PVALEF: variants seen among roughly 807,000 people sequenced by gnomAD.
PVALEF encodes the protein parvalbumin like EF-hand containing.
A neutral mutation model predicts 1.2 loss-of-function variants in PVALEF; 2 were observed. That is an observed-to-expected ratio of 1.68 (90% CI 0.69 to 5.28). PVALEF has a LOEUF of 5.28. PVALEF is among the 30% of genes most tolerant of loss of function. The pLI is 0.06. For missense variants in PVALEF, 35 were observed against 17.7 expected, an observed-to-expected ratio of 1.97 and a Z score of -1.75; for synonymous variants, 16 against 6.5, an observed-to-expected ratio of 2.47 and a Z score of -2.24.
rs552756728 is a variant in PVALEF at position 81,169,385 on chromosome 17, G to A, written c.-340+2541G>A. 3.8e-3 allele frequency among the ~76,000 whole-genome samples: 576 copies of A among 151,776 alleles called. 1 individual carries two copies. Among genetic ancestry groups the A allele is most frequent in the Non-Finnish European group, 3.7e-3 (248 of 67,598 alleles). ...GAGGCCAAGGGGGGCGGACCGCGAG[G>A]TCAGGAGTTCGAGACCAGCCTGGCC... On this transcript the variant is annotated intron_variant, in intron 2 of 6. Coordinates refer to ENST00000637878, the MANE Select transcript of PVALEF (RefSeq NM_001354639.2).
At chr17:81,166,102 G>A (rs1210829802) in intron 1 of PVALEF, 37 of 576,204 alleles carry the variant, frequency 6.4e-5, no homozygotes, top group Non-Finnish European at 7.4e-5. Flanking sequence ...TGCGGAGCGC[G>A]CCGGCCCCCG....
Position 81,179,172 on chromosome 17 carries a change from G to T in PVALEF, c.-105+20G>T, listed in dbSNP as rs369456061. On this transcript the variant is annotated intron_variant, in intron 3 of 6. Coordinates refer to ENST00000637878, the MANE Select transcript of PVALEF (RefSeq NM_001354639.2). Reference sequence around the variant, plus strand: ...GCAGAGGTAAGCCCTGCCAAGGAGGGGGGTGTGGGTCTCTGGCCGCTGAGG... The same window carrying T: ...GCAGAGGTAAGCCCTGCCAAGGAGGTGGGTGTGGGTCTCTGGCCGCTGAGG... 3.0e-6 allele frequency: 1 copy of T among 328,118 alleles called. No individual in the cohort carries two copies. Among genetic ancestry groups the T allele is most frequent in the South Asian group, 2.2e-5 (1 of 45,474 alleles). 20.3% of individuals were successfully genotyped at this position (328,118 alleles called of 1,614,324 possible).
rs769641470 is a variant in PVALEF at position 81,181,597 on chromosome 17, A to G, written c.145A>G (p.Lys49Glu). ...NYLKFFKHIR[K>E]LHASGQLDDA... ...CCTCAAGTTCTTCAAGCACATCCGC[A>G]AGCTCCACGCCTCGGGCCAGCTGGA... The change falls in exon 5 of 7, where the codon AAG becomes GAG. Residue 49 changes from lysine to glutamate, a missense_variant. By Grantham distance (56) the Lys-to-Glu change is moderately conservative. Transcript: ENST00000637878. 3.5e-5 allele frequency: 15 copies of G among 433,588 alleles called. No homozygotes were observed. The highest frequency in any genetic ancestry group is 6.0e-5 in the Non-Finnish European group (15 of 248,414). The allele number at this position is 433,588 out of a possible 1,614,324, so 26.9% of individuals were successfully genotyped here. A position where few individuals can be genotyped will look rare whatever the true frequency, so the allele number is the denominator to read the frequency against.
chr17:81,180,636 G>A (rs1474894930), intron 3 of PVALEF, among the ~76,000 whole-genome samples: 1 of 152,132 alleles, frequency 6.6e-6, no homozygotes, highest in Non-Finnish European at 1.5e-5. Flanking sequence ...GAGGCACCGA[G>A]GGTTGGGGAG....
chr17:81,177,286 G>A (rs1433034879), intron 2 of PVALEF, among the ~76,000 whole-genome samples: 1 of 141,020 alleles, frequency 7.1e-6, no homozygotes, highest in Non-Finnish European at 1.5e-5. Flanking sequence ...AGTGGCTCAC[G>A]CCTGTAATCC....
chr17:81,169,504 A>G (rs1263999475), intron 2 of PVALEF, among the ~76,000 whole-genome samples: 13 of 152,188 alleles, frequency 8.5e-5, no homozygotes, highest in Admixed American at 8.5e-4. Flanking sequence ...AAGCTGAGGC[A>G]GGAGAATTGC....
At chr17:81,176,680 G>C (rs1437480771) in intron 2 of PVALEF, among the ~76,000 whole-genome samples, 3 of 151,726 alleles carry the variant, frequency 2.0e-5, no homozygotes, top group African/African-American at 4.8e-5. Flanking sequence ...AAACAGTGCA[G>C]CTGCCGTGGA....
At position 81,166,657 on chromosome 17, in the gene PVALEF, G is replaced by C; in HGVS notation, c.-507-20G>C. 2.2e-6 allele frequency: 1 copy of C among 453,832 alleles called. No individual in the cohort carries two copies. The allele number at this position is 453,832 out of a possible 1,614,324, so 28.1% of individuals were successfully genotyped here. A position where few individuals can be genotyped will look rare whatever the true frequency, so the allele number is the denominator to read the frequency against. On this transcript the variant is annotated intron_variant, in intron 1 of 6. Transcript: ENST00000637878. The stretch of plus-strand genomic sequence containing the variant: ...CCCAGGGCGGGTCTTGGTGCTCAGG[G>C]GCCCTCGCCTCACTTGCAGGTTTCG...
At chr17:81,167,794 C>T (rs113616204) in intron 2 of PVALEF, among the ~76,000 whole-genome samples, 9 of 152,348 alleles carry the variant, frequency 5.9e-5, no homozygotes, top group African/African-American at 1.7e-4. Flanking sequence ...GGGGCGCTGC[C>T]GCCAGGCTGC....
chr17:81,172,740 G>A (rs750857790), intron 2 of PVALEF, among the ~76,000 whole-genome samples: 11 of 152,104 alleles, frequency 7.2e-5, no homozygotes, highest in Non-Finnish European at 1.2e-4. Flanking sequence ...CTCCAGCCTG[G>A]GCGACAGAGC....
At chr17:81,182,479 C>T (rs1379785503) in intron 6 of PVALEF, among the ~76,000 whole-genome samples, 1 of 152,226 alleles carries the variant, frequency 6.6e-6, no homozygotes, top group East Asian at 1.9e-4. Context: ...CCAGACACCG[C>T]TTGCCCAGCC....
At chr17:81,174,867 C>T (rs9891985) in intron 2 of PVALEF, among the ~76,000 whole-genome samples, 38,188 of 148,898 alleles carry the variant, frequency 0.26, 5,182 homozygotes, top group African/African-American at 0.29. Flanking sequence ...GAGAATGGTG[C>T]GAACCTGGTA....
chr17:81,181,926 G>T (rs560171427), intron 5 of PVALEF, 40 bp from the exon 6 acceptor site: 3 of 398,468 alleles, frequency 7.5e-6, no homozygotes, highest in Non-Finnish European at 1.3e-5. Context: ...GGCACTGGCC[G>T]GAAGCCCCTT....
At position 81,173,011 on chromosome 17, in the gene PVALEF, T is replaced by C. The variant is rs536893445; in HGVS notation, c.-339-5907T>C. 2.4e-3 allele frequency among the ~76,000 whole-genome samples: 361 copies of C among 152,152 alleles called. 2 individuals carry two copies. The highest frequency in any genetic ancestry group is 8.3e-3 in the African/African-American group (344 of 41,502). On this transcript the variant is annotated intron_variant, in intron 2 of 6. Transcript: ENST00000637878. ...GCCTTCTTCACTGTCGTTATTGGGG[T>C]ATCAGGAAACAAATGCACAGTGAAG...
At chr17:81,176,589 A>G (rs1413111394) in intron 2 of PVALEF, among the ~76,000 whole-genome samples, 1 of 152,098 alleles carries the variant, frequency 6.6e-6, no homozygotes, top group Non-Finnish European at 1.5e-5. Context: ...CTATTAAAAA[A>G]AAAAAAAAAC....
At chr17:81,167,115 A>G (rs2061499457) in intron 2 of PVALEF, among the ~76,000 whole-genome samples, 1 of 152,218 alleles carries the variant, frequency 6.6e-6, no homozygotes, top group South Asian at 2.1e-4. Context: ...CAACATAGCA[A>G]GACACTTTCT....
intron 2 of PVALEF, among the ~76,000 whole-genome samples, chr17:81,169,779 C>A (rs2061512130): frequency 1.3e-5 from 2 of 151,890 alleles, no homozygotes; most frequent in Non-Finnish European, 2.9e-5. Context: ...TGTGTCTGTG[C>A]ATATGTGTAG....
At chr17:81,170,315 G>T (rs2061516451) in intron 2 of PVALEF, among the ~76,000 whole-genome samples, 1 of 151,464 alleles carries the variant, frequency 6.6e-6, no homozygotes, top group Non-Finnish European at 1.5e-5. Context: ...GTGTTGGTAT[G>T]TAGGGGTGTG....
At chr17:81,165,861 G>A in intron 1 of PVALEF, 114 bp downstream of exon 1, 2 of 1,534,710 alleles carry the variant, frequency 1.3e-6, no homozygotes, top group Admixed American at 2.1e-5. Context: ...TGCAAACCGG[G>A]AGCCGTGGGG....
Sources: gnomAD v4.1 joint callset for allele counts (sites outside exome capture counted in the v4.1 genomes callset) on GRCh38, gnomAD v4.1.1 for gene constraint, MANE v1.5 for transcripts, NCBI Gene and HGNC (gene_info 2026-07-23, HGNC 2026-07-21) for gene names.